SEL1L3: variants seen among roughly 807,000 people sequenced by gnomAD.
The protein encoded by SEL1L3 is SEL1L family member 3.
A neutral mutation model predicts 142.8 loss-of-function variants in SEL1L3; 76 were observed. The ratio of observed to expected loss-of-function variants is 0.53; its 90% CI spans 0.44 to 0.64. The LOEUF is 0.64. SEL1L3 is among the 30% of genes least tolerant of loss of function. The pLI is 0.00. For synonymous variants in SEL1L3, 504 were observed against 519.6 expected, an observed-to-expected ratio of 0.97 and a Z score of 0.41; for missense variants, 1,262 against 1,381.7, an observed-to-expected ratio of 0.91 and a Z score of 1.37.
intron 10 of SEL1L3, 28 bp downstream of exon 10, chr4:25,804,513 A>C (rs1158362795): frequency 6.6e-7 from 1 of 1,504,464 alleles, no homozygotes; most frequent in African/African-American, 1.4e-5. Context: ...CAAGTGACTG[A>C]TGTTAATGGA....
At chr4:25,844,112 C>T (rs180792000) in intron 2 of SEL1L3, among the ~76,000 whole-genome samples, 1 of 152,350 alleles carries the variant, frequency 6.6e-6, no homozygotes, top group Admixed American at 6.5e-5. Context: ...AGGGACCATA[C>T]ATGACAGGCC....
rs916575844 is a variant in SEL1L3 at position 25,747,649 on chromosome 4, C to G, written c.*776G>C. 4 of 152,038 alleles carry G rather than the reference C, an allele frequency of 2.6e-5. No homozygotes were observed. The highest frequency in any genetic ancestry group is 9.7e-5 in the African/African-American group (4 of 41,360). The allele number at this position is 152,038 out of a possible 1,614,324, so 9.4% of individuals were successfully genotyped here. ...GCAGGCATGAGGGGTAGGGATGAAA[C>G]TATAAGCTAGAGGCTTACTTGCTGC... On this transcript the variant is annotated 3_prime_UTR_variant, in exon 24 of 24. Coordinates refer to ENST00000399878, the MANE Select transcript of SEL1L3 (RefSeq NM_015187.5).
chr4:25,779,840 C>T (rs1175870466), intron 15 of SEL1L3, among the ~76,000 whole-genome samples: 1 of 152,162 alleles, frequency 6.6e-6, no homozygotes, highest in East Asian at 1.9e-4. Flanking sequence ...GTTAGGCAGG[C>T]TTGGTTCAAA....
At chr4:25,824,668 C>T (rs920664809) in intron 6 of SEL1L3, among the ~76,000 whole-genome samples, 2 of 152,262 alleles carry the variant, frequency 1.3e-5, no homozygotes, top group Non-Finnish European at 1.5e-5. Flanking sequence ...GTGGCTCATG[C>T]CTATAATCTC....
At chr4:25,807,926 A>C (rs1577636536) in intron 9 of SEL1L3, among the ~76,000 whole-genome samples, 2 of 152,290 alleles carry the variant, frequency 1.3e-5, no homozygotes, top group East Asian at 3.9e-4. Context: ...CTCCCCCCAA[A>C]ATATAACCAA....
chr4:25,780,805 T>C (rs1479965674), intron 15 of SEL1L3, among the ~76,000 whole-genome samples: 2 of 136,318 alleles, frequency 1.5e-5, no homozygotes, highest in East Asian at 2.0e-4. Flanking sequence ...AAAATATATA[T>C]AAATAATATA....
At chr4:25,717,870 A>T in the SEL1L3 span, among the ~76,000 whole-genome samples, 10 of 152,206 alleles carry the variant, frequency 6.6e-5, no homozygotes, top group Non-Finnish European at 7.3e-5. Flanking sequence ...AAGGTTAAAC[A>T]ATCTTATGAA....
At chr4:25,774,832 G>A (rs1238231104) in intron 17 of SEL1L3, among the ~76,000 whole-genome samples, 3 of 152,134 alleles carry the variant, frequency 2.0e-5, no homozygotes, top group African/African-American at 7.2e-5. Flanking sequence ...GTGACAGAGT[G>A]AGACTTCATC....
At chr4:25,733,971 C>G in the SEL1L3 span, among the ~76,000 whole-genome samples, 1 of 152,048 alleles carries the variant, frequency 6.6e-6, no homozygotes, top group Non-Finnish European at 1.5e-5. Flanking sequence ...TACTTTTTAT[C>G]AGATTGAGGA....
intron 23 of SEL1L3, among the ~76,000 whole-genome samples, chr4:25,755,012 G>A (rs1717858900): frequency 6.6e-6 from 1 of 152,080 alleles, no homozygotes; most frequent in African/African-American, 2.4e-5. Context: ...GACAATCACT[G>A]TTTTAAAGTA....
Position 25,847,441 on chromosome 4 carries a change from G to A in SEL1L3, c.586C>T (p.His196Tyr), listed in dbSNP as rs372571406. The change falls in exon 2 of 24, where the codon CAT becomes TAT. Residue 196 changes from histidine (H) to tyrosine (Y), a missense_variant. By Grantham distance (83) the His-to-Tyr change is moderately conservative (BLOSUM62 2). Around this residue, in one of 3 missense-constraint regions of SEL1L3, gnomAD observed 689 missense variants for 692.8 expected, o/e 0.99. Coordinates refer to ENST00000399878, the MANE Select transcript of SEL1L3 (RefSeq NM_015187.5). ...WNVKWEENLL[H>Y]AVAKNYTLLQ... is the part of the protein sequence containing the mutation. Reference sequence around the variant, plus strand: ...AGGGTATAATTCTTTGCTACAGCATGGAGCAAGTTTTCCTCCCATTTAACA... The same window carrying A: ...AGGGTATAATTCTTTGCTACAGCATAGAGCAAGTTTTCCTCCCATTTAACA... 3.1e-6 allele frequency: 5 copies of A among 1,613,864 alleles called. No individual in the cohort carries two copies. Among genetic ancestry groups the A allele is most frequent in the Admixed American group, 1.7e-5 (1 of 60,006 alleles).
Position 25,757,707 on chromosome 4 carries a change from G to A in SEL1L3, c.3167C>T (p.Ala1056Val). The A allele has an allele frequency of 6.3e-7, 1 of 1,594,864 alleles. No individual in the cohort carries two copies. Among genetic ancestry groups the A allele is most frequent in the Non-Finnish European group, 8.5e-7 (1 of 1,171,006 alleles). The change falls in exon 22 of 24, where the codon GCT (alanine) becomes GTT (valine). Residue 1056 changes from alanine (A) to valine (V), a missense_variant. This residue lies in a region of SEL1L3 where 138 missense variants were observed against 129.7 expected (regional missense o/e 1.06). Transcript: ENST00000399878. Reference sequence around the variant, plus strand: ...ACCTACCAGGGCTGAGTGCAGGATAGCACCCCAGAGAAGCCGCAAGTGCAG... The same window carrying A: ...ACCTACCAGGGCTGAGTGCAGGATAACACCCCAGAGAAGCCGCAAGTGCAG... ...LYLHLRLLWG[A>V]ILHSALIYFL...
At chr4:25,731,587 T>C in the SEL1L3 span, among the ~76,000 whole-genome samples, 23 of 152,220 alleles carry the variant, frequency 1.5e-4, 1 homozygote, top group Non-Finnish European at 3.1e-4. Context: ...ATAGAATCAA[T>C]TGATAGGTAC....
At position 25,833,455 on chromosome 4, in the gene SEL1L3, C is replaced by A; in HGVS notation, c.975G>T (p.Thr325=). The change falls in exon 4 of 24, where the codon ACG becomes ACT. Residue 325 remains threonine (T), a synonymous_variant. Transcript: ENST00000399878. ...EMYGTPSVFL[T]EEGYLHIQMH... ...GTTCTGTTTTATACTCACCCTCTTCCGTAAGAAATACAGAAGGTGTGCCGT... is the reference window on the plus strand; with the variant it reads ...GTTCTGTTTTATACTCACCCTCTTCAGTAAGAAATACAGAAGGTGTGCCGT... 1 of 1,610,466 alleles carries A rather than the reference C, an allele frequency of 6.2e-7. No homozygotes were observed. Among genetic ancestry groups the A allele is most frequent in the Non-Finnish European group, 8.5e-7 (1 of 1,177,998 alleles).
At chr4:25,716,159 A>G in the SEL1L3 span, among the ~76,000 whole-genome samples, 7 of 152,168 alleles carry the variant, frequency 4.6e-5, no homozygotes, top group Non-Finnish European at 8.8e-5. Context: ...TCGTATCCAG[A>G]GTTCCAAATC....
chr4:25,756,473 T>C (rs534688320), intron 23 of SEL1L3: 2 of 985,184 alleles, frequency 2.0e-6, no homozygotes, highest in Non-Finnish European at 2.4e-6. Flanking sequence ...GGTAAGTATC[T>C]TACGTGCATT....
At chr4:25,805,742 C>T (rs1372116240) in intron 9 of SEL1L3, among the ~76,000 whole-genome samples, 1 of 152,184 alleles carries the variant, frequency 6.6e-6, no homozygotes, top group Non-Finnish European at 1.5e-5. Context: ...CGAATGTTTA[C>T]TTTCCATTAT....
In SEL1L3 at chr4:25,748,438, T is replaced by A; in HGVS notation, c.3386A>T (p.Glu1129Val). The change falls in exon 24 of 24, where the codon GAG becomes GTG. Residue 1129 changes from glutamate to valine, a missense_variant. Coordinates refer to ENST00000399878, the MANE Select transcript of SEL1L3 (RefSeq NM_015187.5). ...GGAGTGCACAGTTCACCCACGTGGC[T>A]CCGGGTTATTAGTTACTGTGGGCTG... ...QDQPTVTNNP[E>V]PRG 6.2e-7 allele frequency: 1 copy of A among 1,610,298 alleles called. No homozygotes were observed. Among genetic ancestry groups the A allele is most frequent in the South Asian group, 1.1e-5 (1 of 89,894 alleles).
intron 17 of SEL1L3, chr4:25,770,257 T>C (rs552836443): frequency 5.3e-5 from 8 of 152,350 alleles, no homozygotes; most frequent in African/African-American, 1.9e-4. Context: ...TAATATCTTG[T>C]GTCTAAAGTG....
Sources: allele counts gnomAD v4.1 joint callset (sites outside exome capture counted in the v4.1 genomes callset), GRCh38; gene constraint gnomAD v4.1.1; regional missense constraint gnomAD v4.1.1; transcripts MANE v1.5; gene names NCBI Gene and HGNC (gene_info 2026-07-23, HGNC 2026-07-21).